Variants in DISC1 observed in about 807,000 individuals in gnomAD.
DISC1 encodes the protein DISC1 scaffold protein.
Under a neutral mutation model 84.5 loss-of-function variants are expected in DISC1, and 57 were observed. That is an observed-to-expected ratio of 0.67 (90% CI 0.55 to 0.84). The LOEUF is 0.84. Among genes scored for constraint, DISC1 ranks in the 40% least tolerant of loss-of-function variants. The pLI is 0.00. For synonymous variants in DISC1, 411 were observed against 415.2 expected (o/e 0.99, Z 0.12); for missense variants, 1,000 against 1,057.8 (o/e 0.95, Z 0.76).
chr1:231,946,458 A>G (rs1166780762), intron 9 of DISC1, among the ~76,000 whole-genome samples: 2 of 152,226 alleles, frequency 1.3e-5, no homozygotes, highest in African/African-American at 4.8e-5. Context: ...GATGGAATGT[A>G]TCTCAAAATA....
chr1:231,831,182 A>G (rs2082196585), intron 9 of DISC1, among the ~76,000 whole-genome samples: 2 of 152,250 alleles, frequency 1.3e-5, no homozygotes, highest in Non-Finnish European at 2.9e-5. Flanking sequence ...GCAGGGGCAA[A>G]TCCCCGGGCT....
At chr1:231,724,082 T>C (rs2070272280) in intron 3 of DISC1, 3 of 931,808 alleles carry the variant, frequency 3.2e-6, no homozygotes, top group Non-Finnish European at 3.8e-6. Context: ...TTTAAATGGA[T>C]ATTGTCACCT....
intron 6 of DISC1, among the ~76,000 whole-genome samples, chr1:231,784,231 C>G (rs1311504090): frequency 6.6e-6 from 1 of 151,092 alleles, no homozygotes; most frequent in Admixed American, 6.6e-5. Context: ...CCATTGCACT[C>G]CAGCCTGGGT....
At chr1:231,726,452 G>A (rs2070712539) in intron 3 of DISC1, among the ~76,000 whole-genome samples, 1 of 152,158 alleles carries the variant, frequency 6.6e-6, no homozygotes, top group Non-Finnish European at 1.5e-5. Context: ...ACCAAGGAGG[G>A]AGAGAGGAAG....
At position 232,031,943 on chromosome 1, in the gene DISC1, T is replaced by C. The variant is rs1167351690; in HGVS notation, c.2426-4749T>C. ...GGAATGGTGGTAAGAAGAAATAATG[T>C]AGCAAAAGAGTAGCACTTTCAAAGG... On this transcript the variant is annotated intron_variant, in intron 12 of 12. Transcript: ENST00000439617. This position sits in a 1 kb window ranked among gnomAD's most constrained non-coding sequence, Gnocchi z 4.6. Among the ~76,000 whole-genome samples the C allele has an allele frequency of 6.6e-6, 1 of 152,194 alleles. No individual in the cohort carries two copies. Among genetic ancestry groups the C allele is most frequent in the Non-Finnish European group, 1.5e-5 (1 of 68,028 alleles).
At chr1:231,629,510 T>C (rs1348077303) in intron 1 of DISC1, 5 of 152,678 alleles carry the variant, frequency 3.3e-5, no homozygotes, top group Non-Finnish European at 7.3e-5. Flanking sequence ...GTTTATCTTA[T>C]TGGTTTTTGT....
intron 10 of DISC1, among the ~76,000 whole-genome samples, chr1:231,966,890 GA>G (rs1435473975): frequency 6.6e-6 from 1 of 152,110 alleles, no homozygotes; most frequent in Non-Finnish European, 1.5e-5. Flanking sequence ...TTTATCATCA[GA>G]AAAGACAAAC....
chr1:231,911,215 A>G (rs555598731), intron 9 of DISC1, among the ~76,000 whole-genome samples: 414 of 152,260 alleles, frequency 2.7e-3, no homozygotes, highest in Non-Finnish European at 4.1e-3. Flanking sequence ...TGATCCTGTC[A>G]TTACGATGTT....
rs561267064 is a variant in DISC1, at chr1:231,696,653, G to A, written c.1047+1848G>A. On this transcript the variant is annotated intron_variant, in intron 2 of 12. Coordinates refer to ENST00000439617, the MANE Select transcript of DISC1 (RefSeq NM_018662.3). ...GTGACAGTGGTCCTGTGAGATTATC[G>A]TACTGTGTTTTTGTTGTACCCTTTC... Among the ~76,000 whole-genome samples, 8 of 152,302 alleles carry A rather than the reference G, an allele frequency of 5.3e-5. No individual in the cohort carries two copies. The East Asian group carries it at 1.4e-3, about 26-fold the overall frequency.
intron 9 of DISC1, among the ~76,000 whole-genome samples, chr1:231,843,556 C>A (rs1433686380): frequency 1.3e-5 from 2 of 152,096 alleles, no homozygotes. Flanking sequence ...AGGCCAGTGG[C>A]AGGAGAGAGG....
intron 8 of DISC1, among the ~76,000 whole-genome samples, chr1:231,801,056 T>C (rs959713809): frequency 6.6e-6 from 1 of 152,128 alleles, no homozygotes; most frequent in Non-Finnish European, 1.5e-5. Flanking sequence ...AATAATTACA[T>C]GTATGTGTTT....
chr1:231,720,891 C>T, intron 3 of DISC1: 1 of 1,290,924 alleles, frequency 7.7e-7, no homozygotes, highest in Non-Finnish European at 1.0e-6. Context: ...CTTTGCATAC[C>T]TAGTTCTGAC....
intron 9 of DISC1, among the ~76,000 whole-genome samples, chr1:231,834,453 C>T (rs935643324): frequency 2.6e-5 from 4 of 152,090 alleles, no homozygotes; most frequent in African/African-American, 7.2e-5. Flanking sequence ...AATGTCTGGA[C>T]GTCAGGCATC....
At chr1:231,940,144 C>T (rs934109926) in intron 9 of DISC1, among the ~76,000 whole-genome samples, 3 of 152,182 alleles carry the variant, frequency 2.0e-5, no homozygotes, top group Admixed American at 2.0e-4. Context: ...TTTCCTGGTG[C>T]TCACTGCTAT....
At chr1:231,861,574 T>C (rs1194207658) in intron 9 of DISC1, among the ~76,000 whole-genome samples, 3 of 152,064 alleles carry the variant, frequency 2.0e-5, no homozygotes, top group Non-Finnish European at 2.9e-5. Flanking sequence ...TATTTATTTC[T>C]TTTTGATTTC....
intron 1 of DISC1, among the ~76,000 whole-genome samples, chr1:231,662,970 CTG>C (rs1188863997): frequency 1.1e-4 from 17 of 152,102 alleles, no homozygotes; most frequent in Non-Finnish European, 2.2e-4. Context: ...AATCGAGACT[CTG>C]TCTTAAACAA....
At chr1:231,793,035 A>T (rs983310406) in intron 6 of DISC1, among the ~76,000 whole-genome samples, 3 of 152,194 alleles carry the variant, frequency 2.0e-5, no homozygotes, top group Non-Finnish European at 4.4e-5. Flanking sequence ...ATGACTGATT[A>T]GTACGGACCT....
intron 6 of DISC1, among the ~76,000 whole-genome samples, chr1:231,793,382 G>A (rs2078501123): frequency 6.6e-6 from 1 of 152,208 alleles, no homozygotes; most frequent in Non-Finnish European, 1.5e-5. Flanking sequence ...CAGGAACCAT[G>A]TCTTCATGCT....
intron 11 of DISC1, among the ~76,000 whole-genome samples, chr1:232,010,151 C>T (rs1369465329): frequency 1.3e-5 from 2 of 152,200 alleles, no homozygotes; most frequent in East Asian, 3.8e-4. Flanking sequence ...TCCTTGCTGG[C>T]CCAGTCACAG....
Sources: allele counts gnomAD v4.1 joint callset (sites outside exome capture counted in the v4.1 genomes callset), GRCh38; gene constraint gnomAD v4.1.1; non-coding constraint Gnocchi (gnomAD v3.1); transcripts MANE v1.5; gene names NCBI Gene and HGNC (gene_info 2026-07-23, HGNC 2026-07-21).